The following CARS2 variants were observed in gnomAD, a reference collection of about 807,000 sequenced individuals.
CARS2 encodes probable cysteine--tRNA ligase, mitochondrial.
CARS2 carries 52 observed loss-of-function variants against 68.8 expected under a neutral mutation model. The observed-to-expected ratio is 0.76, with a 90% CI of 0.61 to 0.95. The LOEUF (loss-of-function observed/expected upper bound fraction) is 0.95. Among genes scored for constraint, CARS2 ranks in the 40% least tolerant of loss-of-function variants. CARS2 has a pLI of 0.00. For synonymous variants in CARS2, 314 were observed against 303.6 expected (o/e 1.03, Z -0.36); for missense variants, 780 against 754.2 (o/e 1.03, Z -0.40).
chr13:110,644,352 C>G, intron 13 of CARS2, 33 bp downstream of exon 13: 1 of 1,589,410 alleles, frequency 6.3e-7, no homozygotes, highest in South Asian at 1.1e-5. Flanking sequence ...GGAGAAAATT[C>G]CAGAATTAAG....
At chr13:110,646,142 G>A in intron 11 of CARS2, 52 bp from the exon 12 acceptor site, 1 of 1,574,226 alleles carries the variant, frequency 6.4e-7, no homozygotes, top group Non-Finnish European at 8.6e-7. Flanking sequence ...ACTCTCCCCA[G>A]GCGGCCCCCA....
chr13:110,695,896 T>C (rs549700257), intron 3 of CARS2, among the ~76,000 whole-genome samples: 2 of 152,192 alleles, frequency 1.3e-5, no homozygotes, highest in African/African-American at 4.8e-5. Context: ...TCATCTACAT[T>C]AGGTATTTCT....
At chr13:110,707,753 G>T (rs562745352), upstream of CARS2, 13 of 152,212 alleles carry the variant, frequency 8.5e-5, no homozygotes, top group East Asian at 1.2e-3. Context: ...CGTTCCTCTG[G>T]TTTTTTGTTG....
At chr13:110,664,265 G>A in intron 8 of CARS2, 1 of 913,304 alleles carries the variant, frequency 1.1e-6, no homozygotes, top group Non-Finnish European at 1.3e-6. Context: ...CCAGCCCTTT[G>A]GGAGGCTAAG....
In CARS2 at chr13:110,653,826, ACT is replaced by A. The variant is rs1156616814; in HGVS notation, c.988-2728_988-2727del. 1.3e-5 allele frequency among the ~76,000 whole-genome samples: 2 copies of A among 151,956 alleles called. No homozygotes were observed. The highest frequency in any genetic ancestry group is 2.9e-5 in the Non-Finnish European group (2 of 67,988). On this transcript the variant is annotated intron_variant, in intron 9 of 14. Transcript: ENST00000257347. This position sits in a 1 kb window ranked among gnomAD's most constrained non-coding sequence, Gnocchi z 5.6. ...ACAGTATTCTGACAATGATGTGAAA[ACT>A]CTTGAATACTGTGGGTGCACACGGA... is the stretch of plus-strand genomic sequence containing the variant.
chr13:110,659,497 C>CTTTT (rs34169536), intron 9 of CARS2, among the ~76,000 whole-genome samples: 1 of 147,786 alleles, frequency 6.8e-6, no homozygotes, highest in Non-Finnish European at 1.5e-5. Flanking sequence ...CCCAGATCTC[C>CTTTT]TTTTTTTTTT....
chr13:110,703,984 C>T (rs1311525036), intron 2 of CARS2, among the ~76,000 whole-genome samples: 1 of 152,236 alleles, frequency 6.6e-6, no homozygotes, highest in Non-Finnish European at 1.5e-5. Context: ...ATAGAAGAGA[C>T]CTCAGAGAAT....
At chr13:110,655,863 C>T (rs418321) in intron 9 of CARS2, among the ~76,000 whole-genome samples, 60,880 of 152,098 alleles carry the variant, frequency 0.4, 12,391 homozygotes, top group Admixed American at 0.48. Flanking sequence ...TCGTGTGTAA[C>T]GGAACACAGG....
chr13:110,678,537 C>G (rs1333106302), intron 6 of CARS2, among the ~76,000 whole-genome samples: 4 of 152,216 alleles, frequency 2.6e-5, no homozygotes, highest in Non-Finnish European at 5.9e-5. Context: ...GTTTTCATTA[C>G]TAGTCACTTT....
At chr13:110,672,405 A>G (rs1358387076) in intron 7 of CARS2, among the ~76,000 whole-genome samples, 1 of 152,252 alleles carries the variant, frequency 6.6e-6, no homozygotes, top group Non-Finnish European at 1.5e-5. Context: ...CTCAGGATTA[A>G]GAAACTCACT....
chr13:110,650,887 A>C (rs1594238409), intron 10 of CARS2, 147 bp downstream of exon 10: 2 of 628,556 alleles, frequency 3.2e-6, no homozygotes, highest in East Asian at 5.7e-5. Flanking sequence ...CTCTGGGTTC[A>C]CTCTCAACCC....
intron 6 of CARS2, among the ~76,000 whole-genome samples, chr13:110,682,650 A>T (rs1023430840): frequency 2.6e-5 from 4 of 152,226 alleles, no homozygotes; most frequent in African/African-American, 9.6e-5. Context: ...CAAGGAAGAG[A>T]TTCAAACAGA....
Position 110,641,485 on chromosome 13 carries a change from G to T in CARS2, c.*52C>A. The T allele has an allele frequency of 7.0e-7, 1 of 1,420,416 alleles. No individual in the cohort carries two copies. The highest frequency in any genetic ancestry group is 1.0e-6 in the Non-Finnish European group (1 of 1,002,956). 88.0% of individuals were successfully genotyped at this position (1,420,416 alleles called of 1,614,324 possible). On this transcript the variant is annotated 3_prime_UTR_variant, in exon 15 of 15. Transcript: ENST00000257347. Reference sequence around the variant, plus strand: ...AGCTTTAACATAAAGCCTTGACCCTGAGAAGCATGGGTGCGTCTTGTCGTG... The same window carrying T: ...AGCTTTAACATAAAGCCTTGACCCTTAGAAGCATGGGTGCGTCTTGTCGTG...
Position 110,687,935 on chromosome 13 carries a change from C to T in CARS2, c.465+12G>A, listed in dbSNP as rs891716784. 6 of 1,610,384 alleles carry T rather than the reference C, an allele frequency of 3.7e-6. No individual in the cohort carries two copies. In the Admixed American group the frequency reaches 5.0e-5, roughly 13 times the overall value. On this transcript the variant is annotated intron_variant, in intron 4 of 14. Transcript: ENST00000257347. ...CACCCTCATGGCAGGAACAACCAGC[C>T]CCACACTTTACCTTCAGGGCTGCCA...
intron 5 of CARS2, among the ~76,000 whole-genome samples, chr13:110,685,513 TA>T (rs2063275570): frequency 6.6e-6 from 1 of 152,226 alleles, no homozygotes; most frequent in South Asian, 2.1e-4. Flanking sequence ...AAACATTCAA[TA>T]CCTACGTATC....
At chr13:110,683,020 G>C in intron 6 of CARS2, 31 bp downstream of exon 6, 1 of 1,546,810 alleles carries the variant, frequency 6.5e-7, no homozygotes, top group South Asian at 1.2e-5. Flanking sequence ...CAGAGGTCAG[G>C]GACCCACAGG....
intron 1 of CARS2, chr13:110,713,072 C>T: frequency 6.9e-7 from 1 of 1,446,938 alleles, no homozygotes; most frequent in Non-Finnish European, 9.1e-7. Flanking sequence ...CCCGGCCCTC[C>T]CCTTCCTTCC....
intron 6 of CARS2, among the ~76,000 whole-genome samples, chr13:110,681,920 G>A (rs1053974356): frequency 2.0e-4 from 30 of 152,326 alleles, no homozygotes; most frequent in African/African-American, 6.7e-4. Flanking sequence ...ATGGGAAAGA[G>A]GGAAGGATGA....
At chr13:110,704,057 T>C (rs2063868000) in intron 2 of CARS2, among the ~76,000 whole-genome samples, 1 of 152,244 alleles carries the variant, frequency 6.6e-6, no homozygotes, top group African/African-American at 2.4e-5. Context: ...CCAAATTTGC[T>C]GGTGCCTTCA....
Sources: allele counts gnomAD v4.1 joint callset (sites outside exome capture counted in the v4.1 genomes callset), GRCh38; gene constraint gnomAD v4.1.1; non-coding constraint Gnocchi (gnomAD v3.1); transcripts MANE v1.5; gene names NCBI Gene and HGNC (gene_info 2026-07-23, HGNC 2026-07-21).